NRXN1: variants seen among roughly 807,000 people sequenced by gnomAD.
The protein encoded by NRXN1 is neurexin-1.
A neutral mutation model predicts 150.9 loss-of-function variants in NRXN1; 39 were observed. The observed-to-expected ratio is 0.26, with a 90% CI of 0.20 to 0.34. NRXN1 has a LOEUF of 0.34. Among genes scored for constraint, NRXN1 ranks in the 10% least tolerant of loss-of-function variants. The pLI is 1.00. For missense variants in NRXN1, 1,815 were observed against 1,949.9 expected (o/e 0.93, Z 1.30); for synonymous variants, 924 against 757.0 (o/e 1.22, Z -3.62).
intron 5 of NRXN1, among the ~76,000 whole-genome samples, chr2:50,697,723 A>C (rs1300794826): frequency 6.6e-6 from 1 of 152,186 alleles, no homozygotes; most frequent in Non-Finnish European, 1.5e-5. Context: ...TTAGAATATA[A>C]TTCAAATCCT....
chr2:50,248,672 G>T (rs2066742002), intron 17 of NRXN1, among the ~76,000 whole-genome samples: 1 of 152,098 alleles, frequency 6.6e-6, no homozygotes, highest in South Asian at 2.1e-4. Flanking sequence ...AAATATCATT[G>T]AAATTCTTAT....
chr2:50,758,889 GC>G (rs1414016417), intron 5 of NRXN1, among the ~76,000 whole-genome samples: 16 of 151,976 alleles, frequency 1.1e-4, no homozygotes, highest in African/African-American at 3.9e-4. Context: ...TCTTTCCAAG[GC>G]AATTTGGAGC....
chr2:50,652,274 T>C (rs562473591), intron 5 of NRXN1, among the ~76,000 whole-genome samples: 2 of 152,194 alleles, frequency 1.3e-5, no homozygotes, highest in Non-Finnish European at 2.9e-5. Flanking sequence ...TTCGTTTAAG[T>C]ATACAATTCA....
intron 2 of NRXN1, among the ~76,000 whole-genome samples, chr2:51,009,600 T>C (rs146053797): frequency 6.6e-6 from 1 of 152,086 alleles, no homozygotes; most frequent in Non-Finnish European, 1.5e-5. Flanking sequence ...AACATACATG[T>C]GTATGAAGTA....
intron 2 of NRXN1, among the ~76,000 whole-genome samples, chr2:50,950,581 G>C (rs1691156536): frequency 6.6e-6 from 1 of 152,142 alleles, no homozygotes; most frequent in Non-Finnish European, 1.5e-5. Context: ...TCTTGGAAGG[G>C]ACTATTCTGT....
At chr2:50,659,542 A>C (rs1406106717) in intron 5 of NRXN1, among the ~76,000 whole-genome samples, 1 of 151,900 alleles carries the variant, frequency 6.6e-6, no homozygotes, top group Non-Finnish European at 1.5e-5. Context: ...TGTTGACATA[A>C]ATTATTGAGA....
intron 8 of NRXN1, among the ~76,000 whole-genome samples, chr2:50,603,653 T>G (rs1330005339): frequency 6.6e-6 from 1 of 152,172 alleles, no homozygotes; most frequent in Non-Finnish European, 1.5e-5. Flanking sequence ...AGATGACTTT[T>G]CAGTAAGAAC....
At chr2:50,388,030 C>G (rs777766579) in intron 17 of NRXN1, among the ~76,000 whole-genome samples, 1 of 152,136 alleles carries the variant, frequency 6.6e-6, no homozygotes, top group Non-Finnish European at 1.5e-5. Context: ...AGAGAGCAGT[C>G]CACAGCTTCA....
At chr2:50,776,002 A>G (rs1703586012) in intron 5 of NRXN1, among the ~76,000 whole-genome samples, 1 of 152,112 alleles carries the variant, frequency 6.6e-6, no homozygotes, top group African/African-American at 2.4e-5. Flanking sequence ...ATCTAAGATG[A>G]AGTAAATATC....
intron 15 of NRXN1, among the ~76,000 whole-genome samples, chr2:50,474,821 A>C (rs1573135622): frequency 2.0e-4 from 22 of 109,012 alleles, no homozygotes; most frequent in South Asian, 3.5e-4. Flanking sequence ...ACCTCTCTTT[A>C]CCCGCCCGCC....
intron 18 of NRXN1, among the ~76,000 whole-genome samples, chr2:50,202,822 G>T (rs1311533488): frequency 1.3e-5 from 2 of 152,078 alleles, no homozygotes; most frequent in African/African-American, 2.4e-5. Context: ...TTCTTAAGAT[G>T]TGAAAATGCA....
At chr2:50,697,595 G>T (rs984103147) in intron 5 of NRXN1, among the ~76,000 whole-genome samples, 14 of 152,038 alleles carry the variant, frequency 9.2e-5, no homozygotes, top group African/African-American at 3.4e-4. Context: ...CCCCTGAAAG[G>T]TCTCCTCTCT....
intron 5 of NRXN1, among the ~76,000 whole-genome samples, chr2:50,653,976 C>CTTTTTTTTT (rs35931647): frequency 7.8e-6 from 1 of 127,406 alleles, no homozygotes; most frequent in Non-Finnish European, 1.6e-5. Flanking sequence ...GCCTTTTCAT[C>CTTTTTTTTT]TTTTTTTTTT....
intron 5 of NRXN1, among the ~76,000 whole-genome samples, chr2:50,651,713 T>A: frequency 6.6e-6 from 1 of 151,920 alleles, no homozygotes; most frequent in Admixed American, 6.6e-5. Context: ...CTTCCATTCT[T>A]TTTCCTCTCC....
At position 50,396,368 on chromosome 2, in the gene NRXN1, C is replaced by A. The variant is rs552978133; in HGVS notation, c.3364+69074G>T. On this transcript the variant is annotated intron_variant, in intron 17 of 22. Transcript: ENST00000401669. The stretch of plus-strand genomic sequence containing the variant: ...GTAATGGTACTTATTTGAATCAGAA[C>A]TATTTGTGATCTAAAATTGTATTAT... Among the ~76,000 whole-genome samples, 3 of 152,244 alleles carry A rather than the reference C, an allele frequency of 2.0e-5. No individual in the cohort carries two copies. The South Asian group carries it at 6.2e-4, about 32-fold the overall frequency.
At chr2:50,610,677 A>ATATC (rs1235129097) in intron 8 of NRXN1, among the ~76,000 whole-genome samples, 3 of 130,258 alleles carry the variant, frequency 2.3e-5, no homozygotes, top group Non-Finnish European at 3.2e-5. Context: ...ATATATATAT[A>ATATC]TCTGTACAAA....
intron 17 of NRXN1, among the ~76,000 whole-genome samples, chr2:50,366,372 G>A (rs1050493948): frequency 6.6e-5 from 10 of 151,936 alleles, no homozygotes; most frequent in African/African-American, 1.2e-4. Context: ...CTGTTCAGTC[G>A]TAATATTTTT....
intron 21 of NRXN1, among the ~76,000 whole-genome samples, chr2:50,048,484 A>T (rs1241390160): frequency 6.6e-6 from 1 of 152,136 alleles, no homozygotes; most frequent in Non-Finnish European, 1.5e-5. Flanking sequence ...GAAGTTGCAA[A>T]ATGTATTTTG....
At chr2:50,545,829 G>A (rs2105305719) in intron 9 of NRXN1, among the ~76,000 whole-genome samples, 1 of 152,230 alleles carries the variant, frequency 6.6e-6, no homozygotes, top group African/African-American at 2.4e-5. Flanking sequence ...TTGAGTTCCT[G>A]ATACAAAATG....
Sources: allele counts gnomAD v4.1 joint callset (sites outside exome capture counted in the v4.1 genomes callset), GRCh38; gene constraint gnomAD v4.1.1; transcripts MANE v1.5; gene names NCBI Gene and HGNC (gene_info 2026-07-23, HGNC 2026-07-21).